The following TTBK1 variants were observed in gnomAD, a reference collection of about 807,000 sequenced individuals.
TTBK1 encodes the protein tau tubulin kinase 1.
A neutral mutation model predicts 108.5 loss-of-function variants in TTBK1; 34 were observed. That is an observed-to-expected ratio of 0.31 (90% CI 0.24 to 0.42). The LOEUF (loss-of-function observed/expected upper bound fraction) is 0.42, where lower values mean the gene tolerates loss of function less well. Among genes scored for constraint, TTBK1 ranks in the 10% least tolerant of loss-of-function variants. TTBK1 has a pLI of 1.00. For missense variants in TTBK1, 1,539 were observed against 1,826.0 expected (o/e 0.84, Z 2.86); for synonymous variants, 809 against 795.1 (o/e 1.02, Z -0.29).
chr6:43,255,479 C>T, intron 7 of TTBK1, 73 bp from the exon 8 acceptor site: 1 of 1,394,752 alleles, frequency 7.2e-7, no homozygotes, highest in Non-Finnish European at 9.9e-7. Context: ...AGATGCCCCT[C>T]AGAGAAGGGT....
At chr6:43,278,362 C>A (rs1048926372) in intron 13 of TTBK1, among the ~76,000 whole-genome samples, 2 of 152,112 alleles carry the variant, frequency 1.3e-5, no homozygotes, top group African/African-American at 4.8e-5. Context: ...GGCTTTCATT[C>A]TCTCTGAGGG....
chr6:43,263,069 G>A lies in TTBK1; in HGVS notation c.1705G>A (p.Glu569Lys). ...AEPSTSGTTD[E>K]EPEELRPLPE... The stretch of plus-strand genomic sequence containing the variant: ...GCCCAGCACATCGGGCACCACGGAT[G>A]AGGAGCCCGAGGAGCTGCGGCCACT... The change falls in exon 13 of 15, where the codon GAG becomes AAG. Residue 569 changes from glutamate to lysine, a missense_variant. Around this residue, in one of 5 missense-constraint regions of TTBK1, gnomAD observed 1,055 missense variants for 1,086.5 expected, o/e 0.97. Coordinates refer to ENST00000259750, the MANE Select transcript of TTBK1 (RefSeq NM_032538.3). The surrounding 1 kb of genome is among the most constrained non-coding windows in gnomAD (Gnocchi z 4.7). The A allele has an allele frequency of 6.3e-7, 1 of 1,575,426 alleles. No individual in the cohort carries two copies. The highest frequency in any genetic ancestry group is 1.2e-5 in the South Asian group (1 of 86,378).
rs1174911360 is a variant in TTBK1 at position 43,285,131 on chromosome 6, G to A, written c.3721G>A (p.Ala1241Thr). 3 of 1,452,572 alleles carry A rather than the reference G, an allele frequency of 2.1e-6. No homozygotes were observed. The highest frequency in any genetic ancestry group is 1.8e-6 in the Non-Finnish European group (2 of 1,110,106). The allele number at this position is 1,452,572 out of a possible 1,614,324, so 90.0% of individuals were successfully genotyped here. ...RSPRLPASTSAARNASASPRS... is the reference protein window; with the variant it reads ...RSPRLPASTSTARNASASPRS... ...CCCGCGCCTCCCCGCGTCCACATCC[G>A]CCGCGCGCAATGCCAGCGCGTCCCC... Residue 1241 changes from alanine to threonine, a missense_variant, in exon 15 of 15, where the codon GCC (alanine) becomes ACC (threonine). Around this residue, in one of 5 missense-constraint regions of TTBK1, gnomAD observed 1,055 missense variants for 1,086.5 expected, o/e 0.97. Transcript: ENST00000259750. This position sits in a 1 kb window ranked among gnomAD's most constrained non-coding sequence, Gnocchi z 4.7.
Position 43,285,260 on chromosome 6 carries a change from G to A in TTBK1, c.3850G>A (p.Asp1284Asn), listed in dbSNP as rs1173766657. The change falls in exon 15 of 15, where the codon GAT becomes AAT. Residue 1284 changes from aspartate to asparagine, a missense_variant. Transcript: ENST00000259750. The surrounding 1 kb of genome is among the most constrained non-coding windows in gnomAD (Gnocchi z 4.7). ...CGTCCCGCCGGCCCGGGCCCAGCCT[G>A]ATGGCACCCCCTCCCCCGGGGGCTC... ...RGVPPARAQP[D>N]GTPSPGGSKK... The A allele has an allele frequency of 3.1e-6, 4 of 1,294,826 alleles. No homozygotes were observed. In the Admixed American group the frequency reaches 1.3e-4, roughly 41 times the overall value. The allele number at this position is 1,294,826 out of a possible 1,614,324, so 80.2% of individuals were successfully genotyped here.
rs1177357936 is a variant in TTBK1 at position 43,263,393 on chromosome 6, A to T, written c.1986+43A>T. 1 of 1,443,260 alleles carries T rather than the reference A, an allele frequency of 6.9e-7. No homozygotes were observed. Among genetic ancestry groups the T allele is most frequent in the African/African-American group, 1.4e-5 (1 of 69,504 alleles). 89.4% of individuals were successfully genotyped at this position (1,443,260 alleles called of 1,614,324 possible). On this transcript the variant is annotated intron_variant, in intron 13 of 14. Coordinates refer to ENST00000259750, the MANE Select transcript of TTBK1 (RefSeq NM_032538.3). This position sits in a 1 kb window ranked among gnomAD's most constrained non-coding sequence, Gnocchi z 4.7. The stretch of plus-strand genomic sequence containing the variant: ...CCCCACTCCCCATCTCCAGATGCCC[A>T]GAGTCCTGGTGTGTAGGCCTGGGGT...
chr6:43,254,639 G>T lies in TTBK1; in HGVS notation c.564G>T (p.Gly188=). 1 of 1,579,410 alleles carries T rather than the reference G, an allele frequency of 6.3e-7. No homozygotes were observed. The highest frequency in any genetic ancestry group is 8.6e-7 in the Non-Finnish European group (1 of 1,164,360). ...CCCGGCAGTACACCAACACCACGGG[G>T]GATGTGCGGCCCGTGAGTACCGTCG... ...GLARQYTNTT[G]DVRPPRNVAG... Residue 188 remains glycine (G), a synonymous_variant, in exon 6 of 15, where the codon GGG becomes GGT. Transcript: ENST00000259750.
intron 13 of TTBK1, chr6:43,271,615 T>TG: frequency 2.0e-6 from 2 of 985,280 alleles, no homozygotes; most frequent in Non-Finnish European, 2.4e-6. Flanking sequence ...GGCCCCTGCC[T>TG]GGGGGTGCCA....
chr6:43,245,585 A>G (rs912915956), intron 1 of TTBK1, among the ~76,000 whole-genome samples: 3 of 152,190 alleles, frequency 2.0e-5, no homozygotes, highest in African/African-American at 4.8e-5. Context: ...AGAAGGATAC[A>G]TGCACAGATA....
chr6:43,254,818 G>A (rs1049575481), intron 6 of TTBK1, among the ~76,000 whole-genome samples, 167 bp downstream of exon 6: 8 of 152,150 alleles, frequency 5.3e-5, no homozygotes, highest in Middle Eastern at 3.4e-3. Flanking sequence ...CCCTCTCGCC[G>A]TTAGCCTGTA....
Position 43,284,089 on chromosome 6 carries a change from C to G in TTBK1, c.3349C>G (p.Gln1117Glu), listed in dbSNP as rs767801027. 46 of 1,539,754 alleles carry G rather than the reference C, an allele frequency of 3.0e-5. No homozygotes were observed. Among genetic ancestry groups the G allele is most frequent in the Non-Finnish European group, 3.7e-5 (42 of 1,144,936 alleles). Reference sequence around the variant, plus strand: ...GGCCTCGTCCTCCTCCAGTGAGGAGCAGCGCCGTGCCTCTGAGACCCTCTC... The same window carrying G: ...GGCCTCGTCCTCCTCCAGTGAGGAGGAGCGCCGTGCCTCTGAGACCCTCTC... ...SGASSSSSEEQRRASETLSGT... is the reference protein window; with the variant it reads ...SGASSSSSEEERRASETLSGT... The change falls in exon 14 of 15, where the codon CAG (glutamine) becomes GAG (glutamate). Residue 1117 changes from glutamine (Q) to glutamate (E), a missense_variant. Physicochemically the swap from Gln to Glu is conservative, Grantham distance 29. Around this residue, in one of 5 missense-constraint regions of TTBK1, gnomAD observed 1,055 missense variants for 1,086.5 expected, o/e 0.97. Transcript: ENST00000259750.
Position 43,259,592 on chromosome 6 carries a change from C to T in TTBK1, c.1310C>T (p.Ala437Val). Residue 437 changes from alanine to valine, a missense_variant, in exon 12 of 15, where the codon GCC becomes GTC. By Grantham distance (64) the Ala-to-Val change is moderately conservative (BLOSUM62 0). This residue lies in a region of TTBK1 where 277 missense variants were observed against 332.4 expected (regional missense o/e 0.83). Transcript: ENST00000259750. The surrounding 1 kb of genome is among the most constrained non-coding windows in gnomAD (Gnocchi z 6.7). ...GMGVPSSPVR[A>V]PPDSPTTPVR... ...GGGGTCCCCAGCTCCCCAGTGCGTG[C>T]CCCCCCAGACTCCCCCACAACCCCA... 2 of 1,606,624 alleles carry T rather than the reference C, an allele frequency of 1.2e-6. No individual in the cohort carries two copies. Among genetic ancestry groups the T allele is most frequent in the Non-Finnish European group, 8.5e-7 (1 of 1,176,344 alleles).
Position 43,283,823 on chromosome 6 carries a change from C to T in TTBK1, c.3083C>T (p.Ser1028Phe), listed in dbSNP as rs752976145. 23 of 1,611,748 alleles carry T rather than the reference C, an allele frequency of 1.4e-5. No homozygotes were observed. In the Middle Eastern group the frequency reaches 4.9e-4, roughly 35 times the overall value. ...CTTGCAGACGGGCCAGCCCCGGTGT[C>T]CCCGCTGGAGCCAAGCCCTGAGAAA... is the stretch of plus-strand genomic sequence containing the variant. ...PALADGPAPV[S>F]PLEPSPEKVA... The change falls in exon 14 of 15, where the codon TCC (serine) becomes TTC (phenylalanine). Residue 1028 changes from serine (S) to phenylalanine (F), a missense_variant. Around this residue, in one of 5 missense-constraint regions of TTBK1, gnomAD observed 1,055 missense variants for 1,086.5 expected, o/e 0.97. Coordinates refer to ENST00000259750, the MANE Select transcript of TTBK1 (RefSeq NM_032538.3). The surrounding 1 kb of genome is among the most constrained non-coding windows in gnomAD (Gnocchi z 8.1).
In TTBK1 at chr6:43,253,507, A is replaced by G. The variant is rs1026755228; in HGVS notation, c.331-61A>G. The stretch of plus-strand genomic sequence containing the variant: ...GGGTGAGGCTGGGAAGAGTATCACA[A>G]TGATGGTGTCTGGGATGATGGCTGA... On this transcript the variant is annotated intron_variant, in intron 4 of 14. Coordinates refer to ENST00000259750, the MANE Select transcript of TTBK1 (RefSeq NM_032538.3). This position sits in a 1 kb window ranked among gnomAD's most constrained non-coding sequence, Gnocchi z 5.8. The G allele has an allele frequency of 1.1e-5, 18 of 1,587,900 alleles. No individual in the cohort carries two copies. Among genetic ancestry groups the G allele is most frequent in the Non-Finnish European group, 1.5e-5 (17 of 1,166,874 alleles).
In TTBK1 at chr6:43,270,909, T is replaced by C. The variant is rs950784391; in HGVS notation, c.1986+7559T>C. The C allele has an allele frequency of 5.1e-5, 50 of 985,346 alleles. No individual in the cohort carries two copies. In the African/African-American group the frequency reaches 8.2e-4, roughly 16 times the overall value. 61.0% of individuals were successfully genotyped at this position (985,346 alleles called of 1,614,324 possible). A position where few individuals can be genotyped will look rare whatever the true frequency, so the allele number is the denominator to read the frequency against. The stretch of plus-strand genomic sequence containing the variant: ...CCCCACCTCTGCCCTTCTCAGAAGG[T>C]GACTCCTTCCTGTAGGTGCTCGGTC... On this transcript the variant is annotated intron_variant, in intron 13 of 14. Transcript: ENST00000259750.
chr6:43,257,015 AC>A lies in TTBK1; in HGVS notation c.862-796del, dbSNP rs1777400012. Among the ~76,000 whole-genome samples, 1 of 152,112 alleles carries A rather than the reference AC, an allele frequency of 6.6e-6. No individual in the cohort carries two copies. Among genetic ancestry groups the A allele is most frequent in the African/African-American group, 2.4e-5 (1 of 41,400 alleles). ...AGCAGTGTTCTGCCTGGGATCCACT[AC>A]ACGCCAGGCACGATGCTGCATACTG... On this transcript the variant is annotated intron_variant, in intron 9 of 14. Transcript: ENST00000259750. The surrounding 1 kb of genome is among the most constrained non-coding windows in gnomAD (Gnocchi z 4.5).
chr6:43,275,621 C>T (rs1777961333), intron 13 of TTBK1, among the ~76,000 whole-genome samples: 1 of 150,860 alleles, frequency 6.6e-6, no homozygotes, highest in Non-Finnish European at 1.5e-5. Flanking sequence ...ATTGGCCTTG[C>T]AATTGGATGC....
chr6:43,271,618 G>A, intron 13 of TTBK1: 1 of 985,248 alleles, frequency 1.0e-6, no homozygotes, highest in African/African-American at 1.7e-5. Flanking sequence ...CCCTGCCTGG[G>A]GGTGCCATAA....
chr6:43,285,502 C>T lies in TTBK1; in HGVS notation c.*126C>T. 2 of 1,177,956 alleles carry T rather than the reference C, an allele frequency of 1.7e-6. No homozygotes were observed. The highest frequency in any genetic ancestry group is 2.1e-6 in the Non-Finnish European group (2 of 943,004). The allele number at this position is 1,177,956 out of a possible 1,614,324, so 73.0% of individuals were successfully genotyped here. Reference sequence around the variant, plus strand: ...GCGCGCCACCCGCGGCCCCAGCTTTCCGCCTGCACCCGCGAGGACGCGCGC... The same window carrying T: ...GCGCGCCACCCGCGGCCCCAGCTTTTCGCCTGCACCCGCGAGGACGCGCGC... On this transcript the variant is annotated 3_prime_UTR_variant, in exon 15 of 15. Coordinates refer to ENST00000259750, the MANE Select transcript of TTBK1 (RefSeq NM_032538.3). This position sits in a 1 kb window ranked among gnomAD's most constrained non-coding sequence, Gnocchi z 4.7.
chr6:43,255,188 A>AGGGGGG, intron 7 of TTBK1, 74 bp downstream of exon 7: 2 of 246,820 alleles, frequency 8.1e-6, no homozygotes, highest in Admixed American at 1.2e-4. Flanking sequence ...GCTGCTGGGG[A>AGGGGGG]GGGGTGGGGA....
Sources: gnomAD v4.1 joint callset for allele counts (sites outside exome capture counted in the v4.1 genomes callset) on GRCh38, gnomAD v4.1.1 for gene constraint, gnomAD v4.1.1 regional missense constraint, Gnocchi (gnomAD v3.1) non-coding constraint, MANE v1.5 for transcripts, NCBI Gene and HGNC (gene_info 2026-07-23, HGNC 2026-07-21) for gene names.